The following SEC63 variants were observed in gnomAD, a reference collection of about 807,000 sequenced individuals.
SEC63 encodes SEC63 protein translocation regulator.
SEC63 carries 56 observed loss-of-function variants against 116.2 expected under a neutral mutation model. The ratio of observed to expected loss-of-function variants is 0.48; its 90% CI spans 0.39 to 0.60. The LOEUF (loss-of-function observed/expected upper bound fraction) is 0.60, where lower values mean the gene tolerates loss of function less well. Ranked by LOEUF, SEC63 falls within the 20% of genes least tolerant of loss-of-function variation. The probability of loss-of-function intolerance (pLI) is 0.00; values close to 1 mark genes in which losing one functional copy is unlikely to be tolerated. For missense variants in SEC63, 668 were observed against 900.0 expected, an observed-to-expected ratio of 0.74 and a Z score of 3.30; for synonymous variants, 273 against 294.6, an observed-to-expected ratio of 0.93 and a Z score of 0.75.
Position 107,871,647 on chromosome 6 carries a change from CA to C in SEC63, c.*56del. 1 of 1,591,590 alleles carries C rather than the reference CA, an allele frequency of 6.3e-7. No homozygotes were observed. The highest frequency in any genetic ancestry group is 2.2e-5 in the East Asian group (1 of 44,778). On this transcript the variant is annotated 3_prime_UTR_variant, in exon 21 of 21. Transcript: ENST00000369002. Reference sequence around the variant, plus strand: ...CTGTTTCTGGTTTATGATACACTTCCAAAACAGCAAAAAATTGCAAATATGT... The same window carrying C: ...CTGTTTCTGGTTTATGATACACTTCCAAACAGCAAAAAATTGCAAATATGT...
chr6:107,889,748 T>A (rs1205715478), intron 16 of SEC63, among the ~76,000 whole-genome samples: 1 of 152,230 alleles, frequency 6.6e-6, no homozygotes, highest in Non-Finnish European at 1.5e-5. Context: ...ACACACTGCT[T>A]CAAATGTGTC....
At chr6:107,925,025 A>G in intron 2 of SEC63, 93 bp from the exon 3 acceptor site, 2 of 761,668 alleles carry the variant, frequency 2.6e-6, no homozygotes, top group Non-Finnish European at 4.8e-6. Flanking sequence ...ACTCTACAGT[A>G]GTACCATATC....
At chr6:107,939,880 C>A (rs986024895) in intron 1 of SEC63, among the ~76,000 whole-genome samples, 1 of 152,090 alleles carries the variant, frequency 6.6e-6, no homozygotes. Flanking sequence ...TTGGGAAATA[C>A]TGCTCTAGAC....
intron 1 of SEC63, among the ~76,000 whole-genome samples, chr6:107,932,554 A>C (rs978210235): frequency 6.6e-6 from 1 of 152,298 alleles, no homozygotes; most frequent in African/African-American, 2.4e-5. Context: ...AACTGACTGA[A>C]TAAGTTAATA....
intron 13 of SEC63, among the ~76,000 whole-genome samples, chr6:107,898,550 C>T (rs1280851600): frequency 6.6e-6 from 1 of 151,846 alleles, no homozygotes; most frequent in Non-Finnish European, 1.5e-5. Context: ...TTTTTAAAGG[C>T]AAGAACAAAT....
chr6:107,868,562 A>G lies in SEC63; in HGVS notation c.*3142T>C, dbSNP rs929419489. On this transcript the variant is annotated 3_prime_UTR_variant, in exon 21 of 21. Coordinates refer to ENST00000369002, the MANE Select transcript of SEC63 (RefSeq NM_007214.5). ...CCACTGCACTCCTCCAGCCTGGAGG[A>G]CAGAGCGAGACTCCGTCTTAAGAAG... 6.6e-6 allele frequency: 1 copy of G among 152,060 alleles called. No homozygotes were observed. Among genetic ancestry groups the G allele is most frequent in the African/African-American group, 2.4e-5 (1 of 41,372 alleles). 9.4% of individuals were successfully genotyped at this position (152,060 alleles called of 1,614,324 possible). A position where few individuals can be genotyped will look rare whatever the true frequency, so the allele number is the denominator to read the frequency against.
chr6:107,925,261 A>G (rs1276042404), intron 2 of SEC63, among the ~76,000 whole-genome samples: 4 of 152,364 alleles, frequency 2.6e-5, no homozygotes, highest in South Asian at 2.1e-4. Context: ...TAAGTAAACC[A>G]TTTAATGTAA....
At chr6:107,887,154 T>G (rs957582653) in intron 16 of SEC63, among the ~76,000 whole-genome samples, 11 of 151,968 alleles carry the variant, frequency 7.2e-5, no homozygotes, top group African/African-American at 2.7e-4. Context: ...TTGGTGGGAC[T>G]GTAAACTAGT....
intron 1 of SEC63, among the ~76,000 whole-genome samples, chr6:107,930,349 G>A (rs996183783): frequency 7.9e-5 from 12 of 151,614 alleles, no homozygotes; most frequent in Non-Finnish European, 1.2e-4. Context: ...GGTGGCTCAC[G>A]CCTGTAATCC....
intron 13 of SEC63, 26 bp downstream of exon 13, chr6:107,901,344 G>A (rs1044824790): frequency 6.2e-7 from 1 of 1,607,766 alleles, no homozygotes; most frequent in Admixed American, 1.7e-5. Flanking sequence ...GGGAAGCAAT[G>A]CTCAACAGAG....
intron 1 of SEC63, among the ~76,000 whole-genome samples, chr6:107,935,393 T>C (rs1262814540): frequency 6.6e-6 from 1 of 151,328 alleles, no homozygotes; most frequent in African/African-American, 2.4e-5. Flanking sequence ...ATGGTTGCCG[T>C]GTCTGTGTAG....
intron 16 of SEC63, among the ~76,000 whole-genome samples, chr6:107,891,296 T>A (rs1165988976): frequency 6.6e-6 from 1 of 152,028 alleles, no homozygotes; most frequent in African/African-American, 2.4e-5. Context: ...TCTTGTTTTC[T>A]CGCTTTATTT....
intron 16 of SEC63, among the ~76,000 whole-genome samples, chr6:107,893,044 C>A (rs1786721489): frequency 6.6e-6 from 1 of 151,528 alleles, no homozygotes; most frequent in Admixed American, 6.6e-5. Context: ...GAACTACAAA[C>A]AATCCAAACG....
At chr6:107,904,496 A>G (rs1583744098) in intron 11 of SEC63, 133 bp downstream of exon 11, 5 of 711,042 alleles carry the variant, frequency 7.0e-6, no homozygotes, top group Admixed American at 4.5e-5. Flanking sequence ...ATGAAAAGAC[A>G]TGAGTAAAAT....
intron 5 of SEC63, 40 bp downstream of exon 5, chr6:107,913,326 T>C (rs1233538388): frequency 8.4e-7 from 1 of 1,191,620 alleles, no homozygotes; most frequent in East Asian, 2.3e-5. Flanking sequence ...TTATAATATA[T>C]ACCATATCGC....
intron 11 of SEC63, 90 bp from the exon 12 acceptor site, chr6:107,903,088 A>C (rs1457480559): frequency 8.0e-7 from 1 of 1,253,846 alleles, no homozygotes; most frequent in Admixed American, 1.9e-5. Flanking sequence ...ATTCACACTA[A>C]ATCCATAACA....
In SEC63 at chr6:107,901,458, T is replaced by C. The variant is rs1010335536; in HGVS notation, c.1269A>G (p.Leu423=). ...VSLKESDRHT[L]LHFLEDEKYE... is the part of the protein sequence containing the mutation. ...ATTTTTCATCTTCAAGGAAGTGCAGTAGAGTGTGACGATCTGATTCTTTTA... is the reference window on the plus strand; with the variant it reads ...ATTTTTCATCTTCAAGGAAGTGCAGCAGAGTGTGACGATCTGATTCTTTTA... The change falls in exon 13 of 21, where the codon CTA becomes CTG. Residue 423 remains leucine, a synonymous_variant. Coordinates refer to ENST00000369002, the MANE Select transcript of SEC63 (RefSeq NM_007214.5). The C allele has an allele frequency of 6.2e-7, 1 of 1,610,846 alleles. No individual in the cohort carries two copies. Among genetic ancestry groups the C allele is most frequent in the Non-Finnish European group, 8.5e-7 (1 of 1,177,264 alleles).
intron 19 of SEC63, 67 bp downstream of exon 19, chr6:107,876,497 T>C (rs1325560691): frequency 8.5e-6 from 8 of 942,758 alleles, no homozygotes; most frequent in East Asian, 4.8e-5. Flanking sequence ...AAAAAAGATA[T>C]ATGAAGCAGC....
intron 18 of SEC63, among the ~76,000 whole-genome samples, chr6:107,878,380 G>T (rs1786329954): frequency 6.6e-6 from 1 of 152,254 alleles, no homozygotes; most frequent in East Asian, 1.9e-4. Flanking sequence ...AGTGACATGA[G>T]GTACAATATC....
Sources: gnomAD v4.1 joint callset for allele counts (sites outside exome capture counted in the v4.1 genomes callset) on GRCh38, gnomAD v4.1.1 for gene constraint, MANE v1.5 for transcripts, NCBI Gene and HGNC (gene_info 2026-07-23, HGNC 2026-07-21) for gene names.